The following KMT5B variants were observed in gnomAD, a reference collection of about 807,000 sequenced individuals.
KMT5B encodes lysine methyltransferase 5B.
A neutral mutation model predicts 83.2 loss-of-function variants in KMT5B; 10 were observed. The observed-to-expected ratio is 0.12, with a 90% CI of 0.07 to 0.20. The LOEUF (loss-of-function observed/expected upper bound fraction) is 0.20. Among genes scored for constraint, KMT5B ranks in the 10% least tolerant of loss-of-function variants. KMT5B has a pLI of 1.00. For missense variants in KMT5B, 753 were observed against 1,067.2 expected, an observed-to-expected ratio of 0.71 and a Z score of 4.10; for synonymous variants, 349 against 388.8, an observed-to-expected ratio of 0.90 and a Z score of 1.20.
intron 4 of KMT5B, chr11:68,179,448 A>G (rs1856707058): frequency 7.7e-7 from 1 of 1,303,244 alleles, no homozygotes; most frequent in African/African-American, 1.5e-5. Context: ...AAAAAAACAT[A>G]TGAATTCACA....
At position 68,156,446 on chromosome 11, in the gene KMT5B, T is replaced by C. The variant is rs1294888997; in HGVS notation, c.*1242A>G. The C allele has an allele frequency of 6.6e-6, 1 of 152,668 alleles. No individual in the cohort carries two copies. 9.5% of individuals were successfully genotyped at this position (152,668 alleles called of 1,614,324 possible). ...AAATTAAATCTGACTCCTTTTTGTT[T>C]AACTGATAATATAGTCAAAAAAATC... On this transcript the variant is annotated 3_prime_UTR_variant, in exon 11 of 11. Transcript: ENST00000304363.
chr11:68,172,279 C>A (rs989870983), intron 6 of KMT5B, among the ~76,000 whole-genome samples: 5 of 152,276 alleles, frequency 3.3e-5, no homozygotes, highest in African/African-American at 1.2e-4. Flanking sequence ...GTTGCCCAGG[C>A]TGGAGTGCAG....
At position 68,180,146 on chromosome 11, in the gene KMT5B, G is replaced by A. The variant is rs1856773860; in HGVS notation, c.363C>T (p.His121=). 6.3e-7 allele frequency: 1 copy of A among 1,582,088 alleles called. No individual in the cohort carries two copies. Among genetic ancestry groups the A allele is most frequent in the Non-Finnish European group, 8.7e-7 (1 of 1,155,764 alleles). Residue 121 remains histidine (H), a synonymous_variant, in exon 4 of 11, where the codon CAC becomes CAT. Transcript: ENST00000304363. Reference sequence around the variant, plus strand: ...ACACTACCTACCTCACAGGGTTGTTGTGAGAAAAACTGTCAGATTTTGAAA... The same window carrying A: ...ACACTACCTACCTCACAGGGTTGTTATGAGAAAAACTGTCAGATTTTGAAA... ...RHFSKSDSFS[H]NNPVRFRPIK...
chr11:68,191,244 T>A (rs894803295), intron 1 of KMT5B, among the ~76,000 whole-genome samples: 19 of 150,966 alleles, frequency 1.3e-4, no homozygotes, highest in Non-Finnish European at 2.1e-4. Flanking sequence ...CAGACTGGTC[T>A]CAAACTCCTG....
At position 68,158,109 on chromosome 11, in the gene KMT5B, T is replaced by C. The variant is rs1307419915; in HGVS notation, c.2237A>G (p.Lys746Arg). 2 of 1,614,232 alleles carry C rather than the reference T, an allele frequency of 1.2e-6. No homozygotes were observed. The highest frequency in any genetic ancestry group is 1.7e-6 in the Non-Finnish European group (2 of 1,180,040). ...DGMNSSKISI[K>R]LSKDHDNDNN... ...ATCGTTGTCATGGTCTTTGCTTAAC[T>C]TGATGCTTATTTTGGAAGAGTTCAT... is the stretch of plus-strand genomic sequence containing the variant. Residue 746 changes from lysine (K) to arginine (R), a missense_variant, in exon 11 of 11, where the codon AAG becomes AGG. By Grantham distance (26) the Lys-to-Arg change is conservative. This residue lies in a region of KMT5B where 161 missense variants were observed against 195.1 expected (regional missense o/e 0.83). Transcript: ENST00000304363.
chr11:68,165,497 C>T (rs188282901), intron 10 of KMT5B, among the ~76,000 whole-genome samples: 15 of 151,240 alleles, frequency 9.9e-5, no homozygotes, highest in Admixed American at 7.9e-4. Flanking sequence ...AGCGAGACTC[C>T]GTCTCAAAAG....
In KMT5B at chr11:68,178,778, G is replaced by A. The variant is rs571302796; in HGVS notation, c.377+1354C>T. On this transcript the variant is annotated intron_variant, in intron 4 of 10. Transcript: ENST00000304363. ...AAGACTGTTATACCTATTAGGGCTGGTGCAAATGCACTGAAAACCTTAGGG... is the reference window on the plus strand; with the variant it reads ...AAGACTGTTATACCTATTAGGGCTGATGCAAATGCACTGAAAACCTTAGGG... 1.3e-4 allele frequency among the ~76,000 whole-genome samples: 20 copies of A among 152,264 alleles called. No individual in the cohort carries two copies. The East Asian group carries it at 3.9e-3, about 29-fold the overall frequency.
At chr11:68,212,197 C>A (rs1861000893) in intron 1 of KMT5B, among the ~76,000 whole-genome samples, 1 of 152,156 alleles carries the variant, frequency 6.6e-6, no homozygotes, top group Admixed American at 6.5e-5. Flanking sequence ...AAAGTTCAGA[C>A]CTGTATGGCC....
intron 1 of KMT5B, 80 bp downstream of exon 1, chr11:68,213,058 T>TC (rs1861167394): frequency 1.2e-5 from 1 of 85,608 alleles, no homozygotes. Context: ...GGGCCCGCGG[T>TC]CCCCCACGTC....
At chr11:68,174,311 A>G (rs900484310) in intron 5 of KMT5B, 1 of 333,560 alleles carries the variant, frequency 3.0e-6, no homozygotes, top group African/African-American at 2.2e-5. Flanking sequence ...TCATTTTGCA[A>G]TATTTGCATT....
In KMT5B at chr11:68,171,355, T is replaced by C; in HGVS notation, c.821-104A>G. On this transcript the variant is annotated intron_variant, in intron 7 of 10. Transcript: ENST00000304363. This position sits in a 1 kb window ranked among gnomAD's most constrained non-coding sequence, Gnocchi z 5.1. ...AGCTTTCCATATAACTTTACAACTT[T>C]TGATAGGAGTTTAGGTCTCAAGTTC... 3 of 1,418,436 alleles carry C rather than the reference T, an allele frequency of 2.1e-6. No individual in the cohort carries two copies. Among genetic ancestry groups the C allele is most frequent in the East Asian group, 2.3e-5 (1 of 43,652 alleles). The allele number at this position is 1,418,436 out of a possible 1,614,324, so 87.9% of individuals were successfully genotyped here.
At chr11:68,202,505 A>G (rs941435750) in intron 1 of KMT5B, among the ~76,000 whole-genome samples, 1 of 149,270 alleles carries the variant, frequency 6.7e-6, no homozygotes, top group African/African-American at 2.5e-5. Flanking sequence ...ACTCTGTGTA[A>G]TTATCTGGTA....
intron 2 of KMT5B, among the ~76,000 whole-genome samples, chr11:68,187,347 C>T (rs893730064): frequency 6.6e-6 from 1 of 152,180 alleles, no homozygotes. Context: ...CTCTAAACCA[C>T]CGCTTTGGCT....
Position 68,158,469 on chromosome 11 carries a change from A to G in KMT5B, c.1877T>C (p.Ile626Thr), listed in dbSNP as rs1162817025. ...QGKLVKQFAK[I>T]EESTPVHDSP... Reference sequence around the variant, plus strand: ...ATCGTGCACTGGAGTAGATTCCTCTATTTTTGCAAACTGTTTCACAAGTTT... The same window carrying G: ...ATCGTGCACTGGAGTAGATTCCTCTGTTTTTGCAAACTGTTTCACAAGTTT... The change falls in exon 11 of 11, where the codon ATA becomes ACA. Residue 626 changes from isoleucine to threonine, a missense_variant. Coordinates refer to ENST00000304363, the MANE Select transcript of KMT5B (RefSeq NM_017635.5). The G allele has an allele frequency of 1.2e-6, 2 of 1,613,890 alleles. No homozygotes were observed. The highest frequency in any genetic ancestry group is 1.6e-4 in the Middle Eastern group (1 of 6,084).
intron 3 of KMT5B, 145 bp from the exon 4 acceptor site, chr11:68,180,345 G>T: frequency 9.5e-7 from 1 of 1,055,028 alleles, no homozygotes; most frequent in East Asian, 2.6e-5. Context: ...TACCACAGGT[G>T]GGCGCGGCAG....
At chr11:68,175,542 A>G (rs1298087665) in intron 4 of KMT5B, among the ~76,000 whole-genome samples, 2 of 152,220 alleles carry the variant, frequency 1.3e-5, no homozygotes, top group Admixed American at 1.3e-4. Context: ...TCAGACTTAC[A>G]CTAGTCGTCA....
At chr11:68,168,583 G>A (rs570126446) in intron 9 of KMT5B, among the ~76,000 whole-genome samples, 1 of 152,236 alleles carries the variant, frequency 6.6e-6, no homozygotes, top group East Asian at 1.9e-4. Flanking sequence ...TGATCCACCT[G>A]CCTCAGCCTC....
In KMT5B at chr11:68,161,634, CCCTTT is replaced by C. The variant is rs199837113; in HGVS notation, c.1175-2468_1175-2464del. 6.0e-3 allele frequency among the ~76,000 whole-genome samples: 919 copies of C among 152,236 alleles called. 27 individuals are homozygous for C. The highest frequency in any genetic ancestry group is 3.8e-3 in the Non-Finnish European group (260 of 68,028). On this transcript the variant is annotated intron_variant, in intron 10 of 10. Transcript: ENST00000304363. ...ACCCAGCACACACTCCTCAGCCCTT[CCCTTT>C]CTTCATTTCTCTGAATGTGACACTG...
chr11:68,164,188 A>G (rs1442188607), intron 10 of KMT5B, among the ~76,000 whole-genome samples: 1 of 152,218 alleles, frequency 6.6e-6, no homozygotes, highest in East Asian at 1.9e-4. Flanking sequence ...GCAAAGTCAC[A>G]CCATAGCTCT....
Sources: gnomAD v4.1 joint callset for allele counts (sites outside exome capture counted in the v4.1 genomes callset) on GRCh38, gnomAD v4.1.1 for gene constraint, gnomAD v4.1.1 regional missense constraint, Gnocchi (gnomAD v3.1) non-coding constraint, MANE v1.5 for transcripts, NCBI Gene and HGNC (gene_info 2026-07-23, HGNC 2026-07-21) for gene names.